Variants in SYN3 observed in about 807,000 individuals in gnomAD.
The protein encoded by SYN3 is synapsin-3.
In SYN3, 35 loss-of-function variants were observed where a neutral mutation model predicts 65.8. That is an observed-to-expected ratio of 0.53 (90% confidence interval 0.41 to 0.70). The LOEUF is 0.70. Ranked by LOEUF, SYN3 falls within the 30% of genes least tolerant of loss-of-function variation. SYN3 has a pLI of 0.00. For synonymous variants in SYN3, 270 were observed against 292.9 expected, an observed-to-expected ratio of 0.92 and a Z score of 0.80; for missense variants, 680 against 749.0, an observed-to-expected ratio of 0.91 and a Z score of 1.08.
chr22:32,566,421 G>T (rs1465648743), intron 7 of SYN3, among the ~76,000 whole-genome samples: 1 of 152,132 alleles, frequency 6.6e-6, no homozygotes, highest in Non-Finnish European at 1.5e-5. Flanking sequence ...GCACATGGAT[G>T]CTCAAGGGAA....
chr22:32,582,355 T>A (rs1285078545), intron 7 of SYN3, among the ~76,000 whole-genome samples: 1 of 41,716 alleles, frequency 2.4e-5, no homozygotes, highest in Non-Finnish European at 3.6e-5. Context: ...GCATTCTCCC[T>A]TTTTTTTTTT....
chr22:32,560,146 A>G (rs1447676661), intron 7 of SYN3, among the ~76,000 whole-genome samples: 2 of 152,208 alleles, frequency 1.3e-5, no homozygotes, highest in Non-Finnish European at 2.9e-5. Context: ...AAGACCCCGG[A>G]AGCAACCCCA....
chr22:32,869,774 T>C (rs2048800966), intron 4 of SYN3, among the ~76,000 whole-genome samples: 2 of 149,064 alleles, frequency 1.3e-5, no homozygotes, highest in Non-Finnish European at 3.0e-5. Flanking sequence ...CATGCCAGGC[T>C]ATTTGCTAGG....
intron 6 of SYN3, among the ~76,000 whole-genome samples, chr22:32,622,725 C>CA (rs777908921): frequency 0.44 from 33,888 of 77,588 alleles, 5,873 homozygotes; most frequent in South Asian, 0.49. Flanking sequence ...AAATCGGATG[C>CA]AAAAAAAAAA....
intron 2 of SYN3, among the ~76,000 whole-genome samples, chr22:32,990,267 CCCATCCATGAAT>C (rs759546933): frequency 3.0e-4 from 42 of 140,888 alleles, no homozygotes; most frequent in African/African-American, 8.0e-4. Context: ...CACCCAACTA[CCCATCCATGAAT>C]CCATCCATGA....
At chr22:32,978,400 G>A (rs987506463) in intron 3 of SYN3, among the ~76,000 whole-genome samples, 13 of 152,188 alleles carry the variant, frequency 8.5e-5, no homozygotes, top group Middle Eastern at 3.4e-3. Flanking sequence ...GAATTAGGGA[G>A]GAGTAGGGTG....
intron 10 of SYN3, among the ~76,000 whole-genome samples, chr22:32,531,497 G>A (rs1025405422): frequency 6.6e-6 from 1 of 152,116 alleles, no homozygotes; most frequent in Non-Finnish European, 1.5e-5. Context: ...GGCCACCCTC[G>A]TCTCCCCAGG....
At chr22:32,663,303 T>TTCTC (rs763144048) in intron 6 of SYN3, among the ~76,000 whole-genome samples, 2 of 134,164 alleles carry the variant, frequency 1.5e-5, no homozygotes, top group African/African-American at 6.3e-5. Flanking sequence ...TTTTCTTTTC[T>TTCTC]TCTCTTTTTT....
At chr22:32,559,769 G>T (rs1418153033) in intron 7 of SYN3, among the ~76,000 whole-genome samples, 2 of 151,448 alleles carry the variant, frequency 1.3e-5, no homozygotes, top group Non-Finnish European at 2.9e-5. Context: ...GGCAGAGCTT[G>T]CAGTGTGCCC....
intron 6 of SYN3, among the ~76,000 whole-genome samples, chr22:32,710,348 GGGCT>G (rs1307223471): frequency 6.6e-6 from 1 of 151,596 alleles, no homozygotes; most frequent in Non-Finnish European, 1.5e-5. Context: ...TTAAAAGTGT[GGGCT>G]GGGTGCGGTG....
intron 6 of SYN3, among the ~76,000 whole-genome samples, chr22:32,781,168 A>C (rs1939081619): frequency 6.6e-6 from 1 of 151,412 alleles, no homozygotes; most frequent in Non-Finnish European, 1.5e-5. Flanking sequence ...TGGAACTACC[A>C]AGACCTGCAA....
rs182708657 is a variant in SYN3 at position 32,775,337 on chromosome 22, A to G, written c.711+89578T>C. Among the ~76,000 whole-genome samples, 402 of 152,278 alleles carry G rather than the reference A, an allele frequency of 2.6e-3. 4 individuals carry two copies. The highest frequency in any genetic ancestry group is 9.0e-3 in the African/African-American group (374 of 41,552). On this transcript the variant is annotated intron_variant, in intron 6 of 13. Coordinates refer to ENST00000358763, the MANE Select transcript of SYN3 (RefSeq NM_003490.4). ...CTATCACTAAATACAGCTGCACTGG[A>G]GGTTGAGGCTTCAACATGAATTTTG...
chr22:32,953,331 A>C (rs1403485763), intron 3 of SYN3, among the ~76,000 whole-genome samples: 2 of 152,332 alleles, frequency 1.3e-5, no homozygotes, highest in African/African-American at 4.8e-5. Context: ...AACAGAAAAA[A>C]TTCCCTGTCC....
intron 4 of SYN3, among the ~76,000 whole-genome samples, chr22:32,878,657 A>C (rs2049043441): frequency 6.6e-6 from 1 of 152,202 alleles, no homozygotes; most frequent in Non-Finnish European, 1.5e-5. Context: ...AGCACATAAG[A>C]ATATCCTTCA....
rs71187211 is a variant in SYN3 at position 32,758,681 on chromosome 22, C to CATATATATATATATATATATATATAT, written c.711+106233_711+106234insATATATATATATATATATATATATAT. ...TGTGTAAGTTAATACTTACTAAACT[C>CATATATATATATATATATATATATAT]ATATATATATATATATATATGTCTT... On this transcript the variant is annotated intron_variant, in intron 6 of 13. Transcript: ENST00000358763. Among the ~76,000 whole-genome samples the CATATATATATATATATATATATATAT allele has an allele frequency of 9.3e-3, 307 of 32,874 alleles. 50 individuals are homozygous for CATATATATATATATATATATATATAT. Among genetic ancestry groups the CATATATATATATATATATATATATAT allele is most frequent in the Middle Eastern group, 0.021 (1 of 48 alleles). The allele number at this position is 32,874 out of a possible 152,430, so 21.6% of individuals were successfully genotyped here.
intron 6 of SYN3, among the ~76,000 whole-genome samples, chr22:32,609,942 A>G (rs1021215891): frequency 6.6e-6 from 1 of 152,214 alleles, no homozygotes; most frequent in Non-Finnish European, 1.5e-5. Context: ...TTCACATACC[A>G]TAAAATTCAC....
At chr22:32,650,391 C>T (rs779155059) in intron 6 of SYN3, among the ~76,000 whole-genome samples, 104 of 151,766 alleles carry the variant, frequency 6.9e-4, no homozygotes, top group Non-Finnish European at 1.1e-3. Context: ...CTCAGCCTCC[C>T]GAGTAGCTGG....
chr22:33,056,706 T>C (rs189971099), intron 1 of SYN3, among the ~76,000 whole-genome samples: 5 of 152,338 alleles, frequency 3.3e-5, no homozygotes, highest in African/African-American at 9.6e-5. Flanking sequence ...GTGAGTACAA[T>C]GATTTCCTTT....
At chr22:32,813,486 TACACACACAC>T (rs130277) in intron 6 of SYN3, among the ~76,000 whole-genome samples, 19,045 of 138,188 alleles carry the variant, frequency 0.14, 1,526 homozygotes, top group East Asian at 0.3. Context: ...TCTGAAAAGA[TACACACACAC>T]ACACACACAC....
Sources: gnomAD v4.1 joint callset for allele counts (sites outside exome capture counted in the v4.1 genomes callset) on GRCh38, gnomAD v4.1.1 for gene constraint, MANE v1.5 for transcripts, NCBI Gene and HGNC (gene_info 2026-07-23, HGNC 2026-07-21) for gene names.